The following CNTN5 variants were observed in gnomAD, a reference collection of about 807,000 sequenced individuals.
The protein encoded by CNTN5 is contactin-5.
Under a neutral mutation model 129.1 loss-of-function variants are expected in CNTN5, and 77 were observed. That is an observed-to-expected ratio of 0.60 (90% CI 0.50 to 0.72). CNTN5 has a LOEUF of 0.72. CNTN5 is among the 30% of genes least tolerant of loss of function. The pLI, the probability that CNTN5 is intolerant of heterozygous loss-of-function variation, is 0.00. For missense variants in CNTN5, 1,478 were observed against 1,328.8 expected (o/e 1.11, Z -1.75); for synonymous variants, 509 against 465.6 (o/e 1.09, Z -1.20).
chr11:99,891,371 T>A lies in CNTN5; in HGVS notation c.578-24683T>A, dbSNP rs183322602. ...TATATTTTAAGTTCTGGGGCACTAG[T>A]TCAGAACGTGCAGATTTGTTACATA... is the stretch of plus-strand genomic sequence containing the variant. On this transcript the variant is annotated intron_variant, in intron 6 of 24. Coordinates refer to ENST00000524871, the MANE Select transcript of CNTN5 (RefSeq NM_014361.4). Among the ~76,000 whole-genome samples the A allele has an allele frequency of 2.7e-3, 414 of 152,202 alleles. 1 individual carries two copies. Among genetic ancestry groups the A allele is most frequent in the African/African-American group, 9.3e-3 (388 of 41,538 alleles).
chr11:99,359,231 C>G (rs1346186724), intron 2 of CNTN5, among the ~76,000 whole-genome samples: 1 of 152,122 alleles, frequency 6.6e-6, no homozygotes, highest in African/African-American at 2.4e-5. Context: ...CTTTTTAAAA[C>G]TGTAAACGGC....
intron 3 of CNTN5, among the ~76,000 whole-genome samples, chr11:99,699,799 T>C (rs12789090): frequency 0.039 from 5,938 of 151,508 alleles, 129 homozygotes; most frequent in East Asian, 0.068. Flanking sequence ...CTCTTATTCC[T>C]GTGGCCTTTA....
chr11:99,252,126 T>G (rs937147511), intron 1 of CNTN5, among the ~76,000 whole-genome samples: 1 of 152,038 alleles, frequency 6.6e-6, no homozygotes, highest in Admixed American at 6.6e-5. Flanking sequence ...CTTCTTACTT[T>G]TGTTACCTTG....
At chr11:99,042,180 T>A (rs1864010606) in intron 1 of CNTN5, among the ~76,000 whole-genome samples, 1 of 151,682 alleles carries the variant, frequency 6.6e-6, no homozygotes, top group Non-Finnish European at 1.5e-5. Flanking sequence ...CCTTCTTTAT[T>A]TTTTTAGGAG....
chr11:99,703,373 A>G (rs574876319), intron 3 of CNTN5, among the ~76,000 whole-genome samples: 1 of 150,620 alleles, frequency 6.6e-6, no homozygotes, highest in East Asian at 2.0e-4. Flanking sequence ...GAAGTGATAT[A>G]TATCTTCCTG....
At chr11:99,194,117 G>A (rs1385171631) in intron 1 of CNTN5, among the ~76,000 whole-genome samples, 1 of 152,100 alleles carries the variant, frequency 6.6e-6, no homozygotes, top group Non-Finnish European at 1.5e-5. Flanking sequence ...AGTCTATTTA[G>A]AGCTGAATTT....
At chr11:99,810,590 C>T (rs1007891253) in intron 3 of CNTN5, among the ~76,000 whole-genome samples, 9 of 152,090 alleles carry the variant, frequency 5.9e-5, no homozygotes, top group African/African-American at 2.2e-4. Flanking sequence ...ATTTCAAACT[C>T]TCATATGCCA....
intron 9 of CNTN5, among the ~76,000 whole-genome samples, chr11:100,002,450 A>G (rs182748315): frequency 1.3e-5 from 2 of 152,282 alleles, no homozygotes; most frequent in East Asian, 3.9e-4. Flanking sequence ...TTCAGTCCTT[A>G]TGTAAATAAA....
intron 2 of CNTN5, among the ~76,000 whole-genome samples, chr11:99,546,993 A>G (rs996979190): frequency 2.8e-5 from 4 of 142,534 alleles, no homozygotes; most frequent in African/African-American, 1.0e-4. Context: ...TTGTGAATGA[A>G]AATTATTTTC....
At chr11:99,052,804 A>G (rs761055823) in intron 1 of CNTN5, among the ~76,000 whole-genome samples, 8 of 151,858 alleles carry the variant, frequency 5.3e-5, no homozygotes, top group Non-Finnish European at 1.0e-4. Context: ...AATGTTCCTG[A>G]GTCATGTTGA....
At chr11:100,109,701 G>C (rs1591262365) in intron 13 of CNTN5, among the ~76,000 whole-genome samples, 1 of 152,180 alleles carries the variant, frequency 6.6e-6, no homozygotes, top group African/African-American at 2.4e-5. Context: ...GGGCACAAAA[G>C]TATTATGCAC....
At chr11:99,064,656 C>A (rs1221255881) in intron 1 of CNTN5, among the ~76,000 whole-genome samples, 1 of 151,942 alleles carries the variant, frequency 6.6e-6, no homozygotes, top group East Asian at 1.9e-4. Context: ...AAACTTGAAC[C>A]CAAATGTTTC....
intron 10 of CNTN5, among the ~76,000 whole-genome samples, 180 bp from the exon 11 acceptor site, chr11:100,070,243 AT>A (rs1183438057): frequency 2.0e-5 from 3 of 151,766 alleles, no homozygotes; most frequent in South Asian, 2.1e-4. Flanking sequence ...CTTCACTGCT[AT>A]TTTTTGGGGG....
At chr11:99,361,455 A>T (rs1246611396) in intron 2 of CNTN5, among the ~76,000 whole-genome samples, 1 of 152,144 alleles carries the variant, frequency 6.6e-6, no homozygotes, top group Non-Finnish European at 1.5e-5. Context: ...CATATCAGGG[A>T]TTTGCAAATC....
chr11:99,703,921 A>G (rs147817144), intron 3 of CNTN5, among the ~76,000 whole-genome samples: 5 of 151,210 alleles, frequency 3.3e-5, no homozygotes, highest in African/African-American at 1.2e-4. Context: ...ATTAATGCAT[A>G]GGATTGTAGG....
intron 2 of CNTN5, among the ~76,000 whole-genome samples, chr11:99,503,694 A>G (rs1441086488): frequency 6.6e-6 from 1 of 152,216 alleles, no homozygotes; most frequent in Non-Finnish European, 1.5e-5. Flanking sequence ...TTCCAGGCAT[A>G]TAACAGATAA....
chr11:99,573,439 A>G (rs904895001), intron 3 of CNTN5, among the ~76,000 whole-genome samples: 6 of 151,818 alleles, frequency 4.0e-5, no homozygotes, highest in East Asian at 2.0e-4. Context: ...GCGTGGTGGC[A>G]GGCGCCTGTA....
In CNTN5 at chr11:99,808,925, C is replaced by G. The variant is rs533296553; in HGVS notation, c.56-10619C>G. Among the ~76,000 whole-genome samples the G allele has an allele frequency of 4.6e-5, 7 of 152,208 alleles. No homozygotes were observed. The East Asian group carries it at 7.7e-4, about 17-fold the overall frequency. On this transcript the variant is annotated intron_variant, in intron 3 of 24. Transcript: ENST00000524871. ...TGATCACTGGAAAGACAGTAACGGA[C>G]AGCTAAAGATTATAAGCATAGGGTT...
intron 2 of CNTN5, among the ~76,000 whole-genome samples, chr11:99,464,114 G>A (rs1944842692): frequency 1.3e-5 from 2 of 152,168 alleles, no homozygotes; most frequent in Non-Finnish European, 1.5e-5. Context: ...AGAAGACTTG[G>A]AGAACACATT....
Sources: gnomAD v4.1 joint callset for allele counts (sites outside exome capture counted in the v4.1 genomes callset) on GRCh38, gnomAD v4.1.1 for gene constraint, MANE v1.5 for transcripts, NCBI Gene and HGNC (gene_info 2026-07-23, HGNC 2026-07-21) for gene names.